Variants in ATXN7L1 observed in about 807,000 individuals in gnomAD.
The protein encoded by ATXN7L1 is ataxin 7 like 1.
ATXN7L1 carries 15 observed loss-of-function variants against 70.8 expected under a neutral mutation model. That is an observed-to-expected ratio of 0.21 (90% CI 0.14 to 0.33). The LOEUF is 0.33. Ranked by LOEUF, ATXN7L1 falls within the 10% of genes least tolerant of loss-of-function variation. The pLI, the probability that ATXN7L1 is intolerant of heterozygous loss-of-function variation, is 1.00. For missense variants in ATXN7L1, 975 were observed against 1,097.1 expected, an observed-to-expected ratio of 0.89 and a Z score of 1.57; for synonymous variants, 440 against 445.1, an observed-to-expected ratio of 0.99 and a Z score of 0.14.
intron 2 of ATXN7L1, among the ~76,000 whole-genome samples, chr7:105,871,005 C>T (rs1271985845): frequency 6.6e-6 from 1 of 151,562 alleles, no homozygotes; most frequent in African/African-American, 2.4e-5. Context: ...TGATTTTTGC[C>T]ACCAAGAAGT....
chr7:105,717,417 T>G (rs2116289638), intron 3 of ATXN7L1, among the ~76,000 whole-genome samples: 1 of 152,296 alleles, frequency 6.6e-6, no homozygotes, highest in South Asian at 2.1e-4. Context: ...TGAGCCACTA[T>G]GCCTGGCCTA....
intron 4 of ATXN7L1, among the ~76,000 whole-genome samples, chr7:105,654,113 A>G (rs949808966): frequency 2.0e-5 from 3 of 152,210 alleles, no homozygotes; most frequent in Non-Finnish European, 4.4e-5. Context: ...TCTAGCATTT[A>G]GGAAGGGCTC....
chr7:105,846,518 G>A (rs1178588946), intron 2 of ATXN7L1, among the ~76,000 whole-genome samples: 1 of 152,144 alleles, frequency 6.6e-6, no homozygotes, highest in African/African-American at 2.4e-5. Flanking sequence ...ATTGTTGGTG[G>A]GAATTTAAAA....
chr7:105,830,445 T>G (rs1054134516), intron 2 of ATXN7L1, among the ~76,000 whole-genome samples: 1 of 152,084 alleles, frequency 6.6e-6, no homozygotes, highest in African/African-American at 2.4e-5. Context: ...CCATGGCGGG[T>G]GTGGGGTATG....
At chr7:105,689,129 C>G (rs897584747) in intron 3 of ATXN7L1, among the ~76,000 whole-genome samples, 2 of 152,092 alleles carry the variant, frequency 1.3e-5, no homozygotes, top group African/African-American at 4.8e-5. Context: ...TTGGTCTTCC[C>G]GGAGTGTAGG....
At chr7:105,849,573 C>T (rs1173536055) in intron 2 of ATXN7L1, among the ~76,000 whole-genome samples, 2 of 152,224 alleles carry the variant, frequency 1.3e-5, no homozygotes, top group Non-Finnish European at 2.9e-5. Context: ...TTCCCACCCT[C>T]TTGGAGGTGT....
At chr7:105,678,092 C>CT (rs66850827) in intron 3 of ATXN7L1, 38,950 of 518,968 alleles carry the variant, frequency 0.075, 6 homozygotes, top group Non-Finnish European at 0.084. Context: ...CAGACACATA[C>CT]TTTTTTTTTT....
chr7:105,748,072 C>T (rs938880785), intron 3 of ATXN7L1, among the ~76,000 whole-genome samples: 2 of 147,550 alleles, frequency 1.4e-5, no homozygotes, highest in Admixed American at 6.8e-5. Flanking sequence ...GAGCCAAGAT[C>T]GTGCCATTGC....
At chr7:105,633,928 G>C (rs577547921) in intron 7 of ATXN7L1, among the ~76,000 whole-genome samples, 3 of 152,150 alleles carry the variant, frequency 2.0e-5, no homozygotes, top group African/African-American at 7.2e-5. Context: ...CGGTGTGCTC[G>C]TGTGTGCACA....
At chr7:105,671,186 G>A (rs1347475550) in intron 3 of ATXN7L1, among the ~76,000 whole-genome samples, 2 of 150,702 alleles carry the variant, frequency 1.3e-5, no homozygotes, top group Non-Finnish European at 2.9e-5. Flanking sequence ...AGGAGGCTGC[G>A]GCAGGAGAAT....
intron 2 of ATXN7L1, among the ~76,000 whole-genome samples, chr7:105,834,267 C>T (rs992298881): frequency 6.6e-6 from 1 of 152,180 alleles, no homozygotes; most frequent in Non-Finnish European, 1.5e-5. Context: ...GTCTTGAACT[C>T]CTGACCTCAG....
intron 3 of ATXN7L1, among the ~76,000 whole-genome samples, chr7:105,754,401 CTT>C (rs778417692): frequency 2.7e-5 from 4 of 145,812 alleles, no homozygotes; most frequent in Admixed American, 6.9e-5. Flanking sequence ...TTCTTTCTTT[CTT>C]TTTTTTTTTT....
intron 3 of ATXN7L1, among the ~76,000 whole-genome samples, chr7:105,737,812 C>T (rs748425500): frequency 1.2e-4 from 19 of 152,228 alleles, no homozygotes; most frequent in Admixed American, 3.3e-4. Context: ...AGCTCGTAAG[C>T]GGGGAGTATG....
intron 3 of ATXN7L1, among the ~76,000 whole-genome samples, chr7:105,708,945 C>T (rs1793522044): frequency 6.6e-6 from 1 of 152,206 alleles, no homozygotes; most frequent in South Asian, 2.1e-4. Context: ...TGCCCTAGAG[C>T]AGTGGTTCTC....
At chr7:105,681,630 T>A (rs917561676) in intron 3 of ATXN7L1, among the ~76,000 whole-genome samples, 5 of 152,030 alleles carry the variant, frequency 3.3e-5, no homozygotes, top group Admixed American at 1.3e-4. Flanking sequence ...CTCACAATAG[T>A]CAAAAGGTGG....
chr7:105,685,211 T>C (rs1373077559), intron 3 of ATXN7L1, among the ~76,000 whole-genome samples: 1 of 152,206 alleles, frequency 6.6e-6, no homozygotes, highest in African/African-American at 2.4e-5. Flanking sequence ...CCGGCTCTCC[T>C]TCCAGAATGT....
At chr7:105,752,342 C>T (rs998596112) in intron 3 of ATXN7L1, among the ~76,000 whole-genome samples, 1 of 152,310 alleles carries the variant, frequency 6.6e-6, no homozygotes, top group South Asian at 2.1e-4. Context: ...CAGTTGCAGG[C>T]CCGGCTGGCA....
At chr7:105,691,578 AACTTAATCTGATGCT>A (rs1206076599) in intron 3 of ATXN7L1, 1 of 151,564 alleles carries the variant, frequency 6.6e-6, no homozygotes. Context: ...TCAGGCTGCC[AACTTAATCTGATGCT>A]ACGACGACTG....
chr7:105,752,473 G>C (rs1346873024), intron 3 of ATXN7L1, among the ~76,000 whole-genome samples: 1 of 152,198 alleles, frequency 6.6e-6, no homozygotes, highest in Non-Finnish European at 1.5e-5. Flanking sequence ...TCTAGGAAAT[G>C]TAGTTCACCC....
Sources: allele counts gnomAD v4.1 joint callset (sites outside exome capture counted in the v4.1 genomes callset), GRCh38; gene constraint gnomAD v4.1.1; transcripts MANE v1.5; gene names NCBI Gene and HGNC (gene_info 2026-07-23, HGNC 2026-07-21).